SLC25A21: variants seen among roughly 807,000 people sequenced by gnomAD.
SLC25A21 encodes mitochondrial 2-oxodicarboxylate carrier.
In SLC25A21, 47 loss-of-function variants were observed where a neutral mutation model predicts 43.8. That is an observed-to-expected ratio of 1.07 (90% CI 0.85 to 1.37). The LOEUF is 1.37. Among genes scored for constraint, SLC25A21 ranks in the 40% most tolerant of loss-of-function variants. The pLI, the probability that SLC25A21 is intolerant of heterozygous loss-of-function variation, is 0.00. For synonymous variants in SLC25A21, 131 were observed against 121.3 expected, an observed-to-expected ratio of 1.08 and a Z score of -0.52; for missense variants, 352 against 350.2, an observed-to-expected ratio of 1.00 and a Z score of -0.04.
chr14:36,834,261 C>T (rs1465382389), intron 2 of SLC25A21, among the ~76,000 whole-genome samples: 2 of 152,198 alleles, frequency 1.3e-5, no homozygotes, highest in East Asian at 3.8e-4. Flanking sequence ...GGAAAACTGA[C>T]TTTCGATCAG....
chr14:37,133,075 A>C (rs1392504174), intron 1 of SLC25A21, among the ~76,000 whole-genome samples: 1 of 151,828 alleles, frequency 6.6e-6, no homozygotes, highest in Non-Finnish European at 1.5e-5. Context: ...ATTACAGATA[A>C]GGATGTTGTT....
At position 37,172,371 on chromosome 14, in the gene SLC25A21, A is replaced by G. The variant is rs747737102; in HGVS notation, c.-21T>C. On this transcript the variant is annotated 5_prime_UTR_variant, in exon 1 of 10. Transcript: ENST00000331299. ...GACATCTTCGCCAGGCGGGAGGACA[A>G]GGGAGTGGGCTGAGATGCGTCAACG... 1.3e-6 allele frequency: 2 copies of G among 1,587,006 alleles called. No homozygotes were observed. Among genetic ancestry groups the G allele is most frequent in the Admixed American group, 3.6e-5 (2 of 56,204 alleles).
At chr14:36,895,948 C>T (rs1215755633) in intron 1 of SLC25A21, among the ~76,000 whole-genome samples, 1 of 152,260 alleles carries the variant, frequency 6.6e-6, no homozygotes, top group East Asian at 1.9e-4. Flanking sequence ...CTGAGGAGAG[C>T]TTTACTTCCA....
intron 1 of SLC25A21, among the ~76,000 whole-genome samples, chr14:36,905,843 T>G (rs909616036): frequency 6.6e-6 from 1 of 152,156 alleles, no homozygotes; most frequent in Non-Finnish European, 1.5e-5. Flanking sequence ...GATCCTGAAC[T>G]GTCGCCAAAC....
chr14:36,917,054 G>A (rs565328479), intron 1 of SLC25A21, among the ~76,000 whole-genome samples: 2 of 152,004 alleles, frequency 1.3e-5, no homozygotes, highest in South Asian at 4.2e-4. Flanking sequence ...TACTGTTATT[G>A]TCAAATGTCA....
chr14:36,932,933 A>G (rs1892331075), intron 1 of SLC25A21, among the ~76,000 whole-genome samples: 1 of 152,136 alleles, frequency 6.6e-6, no homozygotes, highest in African/African-American at 2.4e-5. Flanking sequence ...TAACGATTAA[A>G]TAAGTAAAAG....
chr14:36,747,546 AC>A (rs1178447588), intron 3 of SLC25A21, among the ~76,000 whole-genome samples: 7 of 152,298 alleles, frequency 4.6e-5, no homozygotes, highest in South Asian at 4.2e-4. Context: ...GATGTCCTCC[AC>A]AAAAGGAACC....
intron 1 of SLC25A21, among the ~76,000 whole-genome samples, chr14:37,056,601 C>A (rs1961835711): frequency 6.6e-6 from 1 of 152,090 alleles, no homozygotes; most frequent in Non-Finnish European, 1.5e-5. Flanking sequence ...TCCTCCAAGT[C>A]TGTGAAATGA....
At chr14:37,081,800 A>G (rs1962393888) in intron 1 of SLC25A21, among the ~76,000 whole-genome samples, 1 of 152,222 alleles carries the variant, frequency 6.6e-6, no homozygotes, top group South Asian at 2.1e-4. Context: ...GAAAGAATTA[A>G]ATCAACTCTG....
At chr14:37,146,089 C>G (rs1963659373) in intron 1 of SLC25A21, among the ~76,000 whole-genome samples, 1 of 152,112 alleles carries the variant, frequency 6.6e-6, no homozygotes, top group Admixed American at 6.5e-5. Context: ...GGAAATATCT[C>G]CCTACCATCT....
At chr14:37,022,085 C>G (rs1960999737) in intron 1 of SLC25A21, among the ~76,000 whole-genome samples, 1 of 151,370 alleles carries the variant, frequency 6.6e-6, no homozygotes, top group Admixed American at 6.6e-5. Flanking sequence ...ATTCATATGC[C>G]TTTATTACTC....
At chr14:36,719,957 T>C (rs1289744923) in intron 6 of SLC25A21, among the ~76,000 whole-genome samples, 3 of 152,146 alleles carry the variant, frequency 2.0e-5, no homozygotes, top group Non-Finnish European at 4.4e-5. Context: ...TCGGCTGCCA[T>C]GAACCTAACA....
intron 1 of SLC25A21, among the ~76,000 whole-genome samples, chr14:37,152,425 A>G (rs6571790): frequency 0.013 from 1,849 of 142,650 alleles, 15 homozygotes; most frequent in South Asian, 0.028. Context: ...TCTCTCACCC[A>G]GACTGAAGTG....
chr14:37,109,334 G>A (rs1447668207), intron 1 of SLC25A21, among the ~76,000 whole-genome samples: 5 of 150,948 alleles, frequency 3.3e-5, no homozygotes, highest in East Asian at 3.9e-4. Flanking sequence ...AATGAATCTC[G>A]GGCCAAATAG....
At chr14:36,853,380 A>G (rs1481016309) in intron 2 of SLC25A21, among the ~76,000 whole-genome samples, 1 of 152,196 alleles carries the variant, frequency 6.6e-6, no homozygotes, top group Non-Finnish European at 1.5e-5. Flanking sequence ...TTATAAACAA[A>G]TGCTCAAGCT....
intron 7 of SLC25A21, among the ~76,000 whole-genome samples, chr14:36,700,792 A>G (rs1373915778): frequency 6.6e-6 from 1 of 152,230 alleles, no homozygotes; most frequent in Non-Finnish European, 1.5e-5. Context: ...ACAAAGAACC[A>G]AGGTTTCAGA....
chr14:36,966,799 T>A (rs1959626982), intron 1 of SLC25A21, among the ~76,000 whole-genome samples: 1 of 152,180 alleles, frequency 6.6e-6, no homozygotes, highest in Non-Finnish European at 1.5e-5. Context: ...CCCTTCTGGT[T>A]GGGGAACTTG....
chr14:37,038,847 T>C (rs1961382789), intron 1 of SLC25A21, among the ~76,000 whole-genome samples: 1 of 152,178 alleles, frequency 6.6e-6, no homozygotes, highest in Non-Finnish European at 1.5e-5. Context: ...CCTGACGTCC[T>C]GTGGCCCCAG....
chr14:37,133,307 C>T (rs1963422997), intron 1 of SLC25A21, among the ~76,000 whole-genome samples: 1 of 152,118 alleles, frequency 6.6e-6, no homozygotes, highest in South Asian at 2.1e-4. Context: ...TCATAGATAA[C>T]TATTCCCCAG....
Sources: allele counts gnomAD v4.1 joint callset (sites outside exome capture counted in the v4.1 genomes callset), GRCh38; gene constraint gnomAD v4.1.1; transcripts MANE v1.5; gene names NCBI Gene and HGNC (gene_info 2026-07-23, HGNC 2026-07-21).